Variants in ADGRV1 observed in about 807,000 individuals in gnomAD.
The protein encoded by ADGRV1 is adhesion G protein-coupled receptor V1.
ADGRV1 carries 359 observed loss-of-function variants against 596.2 expected under a neutral mutation model. The observed-to-expected ratio is 0.60, with a 90% CI of 0.55 to 0.66. The LOEUF (loss-of-function observed/expected upper bound fraction) is 0.66, where lower values mean the gene tolerates loss of function less well. ADGRV1 is among the 30% of genes least tolerant of loss of function. ADGRV1 has a pLI of 0.00. For missense variants in ADGRV1, 7,274 were observed against 7,575.6 expected, an observed-to-expected ratio of 0.96 and a Z score of 1.48; for synonymous variants, 2,681 against 2,679.2, an observed-to-expected ratio of 1.00 and a Z score of -0.02.
At chr5:90,963,450 C>T (rs532073557) in intron 83 of ADGRV1, among the ~76,000 whole-genome samples, 1 of 151,886 alleles carries the variant, frequency 6.6e-6, no homozygotes, top group South Asian at 2.1e-4. Context: ...TGTTGTGGTG[C>T]ATTCTAGAAA....
intron 83 of ADGRV1, among the ~76,000 whole-genome samples, chr5:90,887,658 T>C (rs1770435378): frequency 6.6e-6 from 1 of 152,088 alleles, no homozygotes; most frequent in Non-Finnish European, 1.5e-5. Flanking sequence ...CCAAGAAGTG[T>C]TTATATGGGA....
intron 85 of ADGRV1, among the ~76,000 whole-genome samples, chr5:91,014,176 C>CACACACACACACACACACACACACA (rs56292568): frequency 0.046 from 5,761 of 123,994 alleles, 891 homozygotes; most frequent in East Asian, 0.054. Flanking sequence ...ACACACACAC[C>CACACACACACACACACACACACACA]CCTAGACATA....
chr5:90,974,141 A>G (rs1411587183), intron 84 of ADGRV1, among the ~76,000 whole-genome samples: 2 of 152,194 alleles, frequency 1.3e-5, no homozygotes. Context: ...CCAACTTACA[A>G]GGGACGTGAA....
intron 21 of ADGRV1, among the ~76,000 whole-genome samples, chr5:90,671,449 C>T (rs1046578251): frequency 6.6e-6 from 1 of 152,118 alleles, no homozygotes; most frequent in Non-Finnish European, 1.5e-5. Flanking sequence ...GAATGTTGCC[C>T]CTGGTGTACT....
intron 86 of ADGRV1, 38 bp from the exon 87 acceptor site, chr5:91,102,181 A>G: frequency 6.3e-7 from 1 of 1,575,578 alleles, no homozygotes; most frequent in Non-Finnish European, 8.6e-7. Context: ...ACTGTGCAGT[A>G]TTCTGAAGCT....
chr5:90,861,901 C>G (rs73179354), intron 82 of ADGRV1, among the ~76,000 whole-genome samples: 2,231 of 152,154 alleles, frequency 0.015, 51 homozygotes, highest in African/African-American at 0.052. Flanking sequence ...AGGACCCAGC[C>G]TGTTTGAGGT....
intron 84 of ADGRV1, among the ~76,000 whole-genome samples, chr5:90,968,843 A>T (rs1778703176): frequency 6.6e-6 from 1 of 152,156 alleles, no homozygotes; most frequent in Non-Finnish European, 1.5e-5. Context: ...TCATTTTTTT[A>T]GTAATATAGG....
At chr5:90,691,628 A>T (rs1421094509) in intron 31 of ADGRV1, among the ~76,000 whole-genome samples, 1 of 151,920 alleles carries the variant, frequency 6.6e-6, no homozygotes, top group Non-Finnish European at 1.5e-5. Context: ...CAGGTGATCC[A>T]CCTGCCTCAG....
rs2460169 is a variant in ADGRV1, at chr5:90,777,969, G to C, written c.12592G>C (p.Val4198Leu). ...TVFWRIFPPS[V>L]GEFAETSGKL... ...GTTCTGGAGGATATTCCCTCCTTCC[G>C]TGGGGGAATTTGCTGAAACATCAGG... Residue 4198 changes from valine (V) to leucine (L), a missense_variant, in exon 62 of 90, where the codon GTG becomes CTG. Val to Leu is a conservative substitution (Grantham distance 32, BLOSUM62 1). Coordinates refer to ENST00000405460, the MANE Select transcript of ADGRV1 (RefSeq NM_032119.4). 31 of 1,610,536 alleles carry C rather than the reference G, an allele frequency of 1.9e-5. No homozygotes were observed. The highest frequency in any genetic ancestry group is 2.6e-5 in the Non-Finnish European group (31 of 1,178,218).
intron 85 of ADGRV1, among the ~76,000 whole-genome samples, chr5:91,000,884 G>A (rs1055387654): frequency 1.3e-5 from 2 of 152,042 alleles, no homozygotes; most frequent in Non-Finnish European, 2.9e-5. Context: ...AGAATTCTCT[G>A]TTACTCGGGG....
chr5:90,795,869 G>T (rs1760649750), intron 70 of ADGRV1, among the ~76,000 whole-genome samples: 1 of 152,274 alleles, frequency 6.6e-6, no homozygotes, highest in Non-Finnish European at 1.5e-5. Context: ...GTCTGGAGTG[G>T]ACCTCCAGCA....
intron 1 of ADGRV1, among the ~76,000 whole-genome samples, chr5:90,579,228 C>T (rs111841114): frequency 1.3e-4 from 20 of 152,318 alleles, no homozygotes; most frequent in Middle Eastern, 3.4e-3. Context: ...TCCCTGCTTT[C>T]TCTTGTGGGC....
At chr5:90,825,502 A>G (rs1041388650) in intron 76 of ADGRV1, among the ~76,000 whole-genome samples, 2 of 152,160 alleles carry the variant, frequency 1.3e-5, no homozygotes, top group Non-Finnish European at 2.9e-5. Flanking sequence ...TAAATATTAT[A>G]TTGTGCATTT....
chr5:90,675,781 C>A (rs549162047), intron 24 of ADGRV1, among the ~76,000 whole-genome samples: 1 of 150,210 alleles, frequency 6.7e-6, no homozygotes, highest in Non-Finnish European at 1.5e-5. Flanking sequence ...TTGTGAGACT[C>A]TGTCTCTAAA....
At chr5:91,153,610 A>G (rs1796238381) in intron 89 of ADGRV1, among the ~76,000 whole-genome samples, 1 of 152,226 alleles carries the variant, frequency 6.6e-6, no homozygotes, top group African/African-American at 2.4e-5. Flanking sequence ...CTTGTTTTCA[A>G]AAAAGACATA....
At position 90,637,795 on chromosome 5, in the gene ADGRV1, G is replaced by T; in HGVS notation, c.2087G>T (p.Gly696Val). ...GTCTACTGGAGTTTGAAGCCCTCTG[G>T]CTTTAATTCAAAAGCAGTGACCCCG... ...ATVYWSLKPS[G>V]FNSKAVTPDD... Residue 696 changes from glycine to valine, a missense_variant, in exon 11 of 90, where the codon GGC becomes GTC. By Grantham distance (109) the Gly-to-Val change is moderately radical (BLOSUM62 -3). Coordinates refer to ENST00000405460, the MANE Select transcript of ADGRV1 (RefSeq NM_032119.4). The T allele has an allele frequency of 6.2e-7, 1 of 1,613,564 alleles. No homozygotes were observed. The highest frequency in any genetic ancestry group is 1.3e-5 in the African/African-American group (1 of 75,026).
rs763788734 is a variant in ADGRV1, at chr5:90,651,633, G to A, written c.3319G>A (p.Ala1107Thr). 6.2e-6 allele frequency: 10 copies of A among 1,604,862 alleles called. No homozygotes were observed. Among genetic ancestry groups the A allele is most frequent in the Non-Finnish European group, 8.5e-6 (10 of 1,172,504 alleles). The change falls in exon 18 of 90, where the codon GCT becomes ACT. Residue 1107 changes from alanine to threonine, a missense_variant. Physicochemically the swap from Ala to Thr is moderately conservative, Grantham distance 58. Around this residue, in one of 5 missense-constraint regions of ADGRV1, gnomAD observed 1,715 missense variants for 1,708.8 expected, o/e 1.00. Transcript: ENST00000405460. ...GDTVVYQYGV[A>T]TVIIEANDDP... Reference sequence around the variant, plus strand: ...TACAGTAGTATATCAATATGGAGTAGCTACAGTAATAATTGAAGCTAATGA... The same window carrying A: ...TACAGTAGTATATCAATATGGAGTAACTACAGTAATAATTGAAGCTAATGA...
chr5:90,721,155 C>A, intron 45 of ADGRV1, 96 bp downstream of exon 45: 3 of 1,064,804 alleles, frequency 2.8e-6, no homozygotes, highest in Non-Finnish European at 4.0e-6. Flanking sequence ...TGTTATTGAT[C>A]ATTTGAAAAT....
chr5:90,961,172 G>A (rs1244529289), intron 83 of ADGRV1, among the ~76,000 whole-genome samples: 1 of 152,090 alleles, frequency 6.6e-6, no homozygotes, highest in East Asian at 1.9e-4. Context: ...CATGATCAGA[G>A]TAAGCAGGTA....
Sources: gnomAD v4.1 joint callset for allele counts (sites outside exome capture counted in the v4.1 genomes callset) on GRCh38, gnomAD v4.1.1 for gene constraint, gnomAD v4.1.1 regional missense constraint, MANE v1.5 for transcripts, NCBI Gene and HGNC (gene_info 2026-07-23, HGNC 2026-07-21) for gene names.